Variants in PAGE2B observed in about 807,000 individuals in gnomAD.
PAGE2B encodes the protein putative G antigen family E member 3.
A neutral mutation model predicts 7.6 loss-of-function variants in PAGE2B; 5 were observed. That is an observed-to-expected ratio of 0.66 (90% CI 0.34 to 1.38). PAGE2B has a LOEUF of 1.38. Among genes scored for constraint, PAGE2B ranks in the 40% most tolerant of loss-of-function variants. The probability of loss-of-function intolerance (pLI) is 0.04; values close to 1 mark genes in which losing one functional copy is unlikely to be tolerated. For missense variants in PAGE2B, 70 were observed against 78.4 expected (o/e 0.89, Z 0.41); for synonymous variants, 29 against 26.7 (o/e 1.09, Z -0.27).
the PAGE2B span, among the ~76,000 whole-genome samples, chrX:55,060,698 A>C: frequency 9.0e-6 from 1 of 111,462 alleles, no homozygotes; most frequent in Non-Finnish European, 1.9e-5. Context: ...TTGCCAGGAC[A>C]GATGCTAATA....
At chrX:55,067,209 C>T in the PAGE2B span, among the ~76,000 whole-genome samples, 1 of 110,545 alleles carries the variant, frequency 9.0e-6, no homozygotes. Flanking sequence ...CTCCCCTAGC[C>T]CCCCACCCCT....
chrX:55,076,527 A>G, intron 2 of PAGE2B, 42 bp from the exon 3 acceptor site: 2 of 1,090,535 alleles, frequency 1.8e-6, no homozygotes, highest in Non-Finnish European at 1.2e-6. Flanking sequence ...TTGTGTATTT[A>G]TATTATTGAC....
chrX:55,069,797 C>T, the PAGE2B span, among the ~76,000 whole-genome samples: 3 of 111,483 alleles, frequency 2.7e-5, no homozygotes, highest in East Asian at 8.4e-4. Context: ...AGGAATTTAT[C>T]CATTTCTTCT....
At chrX:55,074,248 G>T (rs2498445), upstream of PAGE2B, among the ~76,000 whole-genome samples, 10 of 111,494 alleles carry the variant, frequency 9.0e-5, no homozygotes, top group East Asian at 8.4e-4. Flanking sequence ...ATCTCAACAG[G>T]AATATTTTAG....
intron 3 of PAGE2B, among the ~76,000 whole-genome samples, chrX:55,076,901 C>G (rs1179699594): frequency 9.0e-6 from 1 of 111,571 alleles, no homozygotes; most frequent in Non-Finnish European, 1.9e-5. Context: ...TTCATGGTTG[C>G]CATAAACCTT....
intron 1 of PAGE2B, 48 bp from the exon 2 acceptor site, chrX:55,075,986 A>G: frequency 9.1e-7 from 1 of 1,094,206 alleles, no homozygotes; most frequent in Non-Finnish European, 1.2e-6. Context: ...TCATATATAT[A>G]GCTAAGTTCT....
At chrX:55,041,376 C>T in the PAGE2B span, among the ~76,000 whole-genome samples, 4 of 110,914 alleles carry the variant, frequency 3.6e-5, no homozygotes, top group Non-Finnish European at 7.6e-5. Context: ...CCACCGTGCC[C>T]GGCCTCAATA....
At chrX:55,071,922 C>T (rs1305931269), upstream of PAGE2B, among the ~76,000 whole-genome samples, 1 of 111,836 alleles carries the variant, frequency 8.9e-6, no homozygotes, top group African/African-American at 3.3e-5. Flanking sequence ...TTTGTTCTTC[C>T]CTAAAATGGG....
At chrX:55,037,351 G>A in the PAGE2B span, among the ~76,000 whole-genome samples, 86 of 111,718 alleles carry the variant, frequency 7.7e-4, no homozygotes, top group Middle Eastern at 9.3e-3. Context: ...ACCACAATGG[G>A]ATACCATCTC....
the PAGE2B span, among the ~76,000 whole-genome samples, chrX:55,063,803 T>C: frequency 9.0e-6 from 1 of 111,724 alleles, no homozygotes; most frequent in African/African-American, 3.2e-5. Context: ...TCAGCATCAA[T>C]TGAAATGATC....
chrX:55,061,322 G>A, the PAGE2B span, among the ~76,000 whole-genome samples: 1 of 111,034 alleles, frequency 9.0e-6, no homozygotes, highest in South Asian at 3.8e-4. Flanking sequence ...AGGGGTTGGC[G>A]TACAGATAAT....
At chrX:55,061,364 A>T in the PAGE2B span, among the ~76,000 whole-genome samples, 1 of 110,884 alleles carries the variant, frequency 9.0e-6, no homozygotes, top group African/African-American at 3.3e-5. Context: ...ATAGTACCTG[A>T]TAGGTAGTTT....
At chrX:55,053,376 C>A in the PAGE2B span, among the ~76,000 whole-genome samples, 1 of 111,069 alleles carries the variant, frequency 9.0e-6, no homozygotes, top group South Asian at 3.8e-4. Flanking sequence ...GTCAAGGGGG[C>A]GAGGGGAGGG....
At chrX:55,041,763 C>T in the PAGE2B span, among the ~76,000 whole-genome samples, 7 of 111,492 alleles carry the variant, frequency 6.3e-5, no homozygotes, top group Non-Finnish European at 1.3e-4. Flanking sequence ...CGTGGCGGTT[C>T]ACATCGGCAG....
At chrX:55,031,071 A>C in the PAGE2B span, 1 of 307,542 alleles carries the variant, frequency 3.3e-6, no homozygotes, top group Non-Finnish European at 6.5e-6. Context: ...CATTGGCCCC[A>C]AAGGTATCTC....
At chrX:55,077,323 G>C in intron 3 of PAGE2B, 76 bp from the exon 4 acceptor site, 1 of 1,182,477 alleles carries the variant, frequency 8.5e-7, no homozygotes, top group Admixed American at 2.4e-5. Flanking sequence ...ATAATGATGA[G>C]GGAATAAATA....
At chrX:55,069,769 G>T in the PAGE2B span, among the ~76,000 whole-genome samples, 1 of 111,332 alleles carries the variant, frequency 9.0e-6, no homozygotes, top group African/African-American at 3.3e-5. Context: ...GTTTAGTCTT[G>T]GGAGGGTGTA....
At chrX:55,067,427 C>A in the PAGE2B span, among the ~76,000 whole-genome samples, 1 of 111,766 alleles carries the variant, frequency 8.9e-6, no homozygotes, top group Non-Finnish European at 1.9e-5. Flanking sequence ...TGTACATGTG[C>A]CACATTTTCT....
At chrX:55,045,336 C>T in the PAGE2B span, among the ~76,000 whole-genome samples, 1 of 111,506 alleles carries the variant, frequency 9.0e-6, no homozygotes, top group Non-Finnish European at 1.9e-5. Flanking sequence ...AGAACCAAAA[C>T]AGTTTTCTTG....
Sources: allele counts gnomAD v4.1 joint callset (sites outside exome capture counted in the v4.1 genomes callset), GRCh38; gene constraint gnomAD v4.1.1; transcripts MANE v1.5; gene names NCBI Gene and HGNC (gene_info 2026-07-23, HGNC 2026-07-21).